Variants in CDC7 observed in about 807,000 individuals in gnomAD.
CDC7 encodes the protein cell division cycle 7-related protein kinase.
In CDC7, 34 loss-of-function variants were observed where a neutral mutation model predicts 53.5. The ratio of observed to expected loss-of-function variants is 0.64; its 90% CI spans 0.48 to 0.85. The LOEUF (loss-of-function observed/expected upper bound fraction) is 0.85, where lower values mean the gene tolerates loss of function less well. Ranked by LOEUF, CDC7 falls within the 40% of genes least tolerant of loss-of-function variation. CDC7 has a pLI of 0.00. For synonymous variants in CDC7, 211 were observed against 222.8 expected (o/e 0.95, Z 0.47); for missense variants, 594 against 679.7 (o/e 0.87, Z 1.40).
At chr1:91,518,070 AG>A (rs1667665625) in intron 10 of CDC7, among the ~76,000 whole-genome samples, 1 of 136,174 alleles carries the variant, frequency 7.3e-6, no homozygotes, top group Non-Finnish European at 1.6e-5. Context: ...CTCCAGCCTG[AG>A]CAACAGAGTG....
At chr1:91,510,696 A>G (rs1004211626) in intron 4 of CDC7, among the ~76,000 whole-genome samples, 11 of 152,082 alleles carry the variant, frequency 7.2e-5, no homozygotes, top group African/African-American at 2.4e-4. Flanking sequence ...CTGATCTTAC[A>G]ATGCAGTCAG....
chr1:91,523,903 TGTGTG>T, intron 11 of CDC7, 133 bp from the exon 12 acceptor site: 1 of 470,736 alleles, frequency 2.1e-6, no homozygotes, highest in South Asian at 2.8e-5. Flanking sequence ...ACTGTGTGTG[TGTGTG>T]TGTGTGTGTG....
intron 10 of CDC7, among the ~76,000 whole-genome samples, chr1:91,517,667 A>C (rs966484867): frequency 6.6e-6 from 1 of 152,198 alleles, no homozygotes; most frequent in Non-Finnish European, 1.5e-5. Flanking sequence ...TATAAATGAC[A>C]GTTGAAGCCA....
At chr1:91,507,959 A>C (rs776585560) in intron 3 of CDC7, 22 bp downstream of exon 3, 1 of 1,535,662 alleles carries the variant, frequency 6.5e-7, no homozygotes. Context: ...ATATGCTTTT[A>C]CTATTTTTAC....
chr1:91,501,478 G>C, intron 1 of CDC7, 176 bp from the exon 2 acceptor site: 2 of 417,094 alleles, frequency 4.8e-6, no homozygotes, highest in South Asian at 6.4e-5. Flanking sequence ...CGGTGTTTCT[G>C]ATAGGTGAAA....
chr1:91,517,931 A>T (rs1454465564), intron 10 of CDC7, among the ~76,000 whole-genome samples: 1 of 151,908 alleles, frequency 6.6e-6, no homozygotes, highest in Non-Finnish European at 1.5e-5. Context: ...TCCCGTCTCT[A>T]CTAAAAAGTA....
rs1344689586 is a variant in CDC7 at position 91,513,326 on chromosome 1, C to A, written c.822+19C>A. On this transcript the variant is annotated intron_variant, in intron 7 of 11. Transcript: ENST00000234626. ...CGGAAAGGTTCTATCTCTTTTATTT[C>A]TTAAGTACCGACACTGTTTTAGAAA... is the stretch of plus-strand genomic sequence containing the variant. 6.2e-7 allele frequency: 1 copy of A among 1,603,294 alleles called. No homozygotes were observed. Among genetic ancestry groups the A allele is most frequent in the African/African-American group, 1.3e-5 (1 of 74,472 alleles).
chr1:91,506,539 A>G (rs1179079435), intron 2 of CDC7, among the ~76,000 whole-genome samples: 2 of 152,214 alleles, frequency 1.3e-5, no homozygotes, highest in African/African-American at 2.4e-5. Flanking sequence ...GTCACCTTGT[A>G]TTAAGAATGA....
At chr1:91,518,200 G>GAA (rs777555503) in intron 10 of CDC7, among the ~76,000 whole-genome samples, 6 of 124,058 alleles carry the variant, frequency 4.8e-5, no homozygotes, top group African/African-American at 1.8e-4. Context: ...TCAACTTTAA[G>GAA]AAAAAAAAAA....
intron 11 of CDC7, 86 bp from the exon 12 acceptor site, chr1:91,523,955 T>C (rs558641183): frequency 4.0e-6 from 4 of 1,008,200 alleles, no homozygotes; most frequent in South Asian, 1.7e-5. Context: ...GTTTGAACTT[T>C]CATGTTTCTC....
intron 10 of CDC7, among the ~76,000 whole-genome samples, chr1:91,518,390 A>G (rs376422500): frequency 1.1e-4 from 17 of 152,312 alleles, no homozygotes; most frequent in African/African-American, 2.2e-4. Context: ...TGCTGGGTAT[A>G]TACCCAAAAG....
rs1414231663 is a variant in CDC7 at position 91,525,089 on chromosome 1, C to T, written c.*654C>T. 1 of 152,120 alleles carries T rather than the reference C, an allele frequency of 6.6e-6. No homozygotes were observed. Among genetic ancestry groups the T allele is most frequent in the African/African-American group, 2.4e-5 (1 of 41,410 alleles). 9.4% of individuals were successfully genotyped at this position (152,120 alleles called of 1,614,324 possible). Reference sequence around the variant, plus strand: ...CAATTTTCTTCCTTCTCTGCCCCTACCTAAAACATTCTCCTCGGAAATTAC... The same window carrying T: ...CAATTTTCTTCCTTCTCTGCCCCTATCTAAAACATTCTCCTCGGAAATTAC... On this transcript the variant is annotated 3_prime_UTR_variant, in exon 12 of 12. Transcript: ENST00000234626.
rs994496947 is a variant in CDC7, at chr1:91,513,115, T to G, written c.630T>G (p.Leu210=). Residue 210 remains leucine, a synonymous_variant, in exon 7 of 12, where the codon CTT becomes CTG. Transcript: ENST00000234626. ...AQGTHDTKIE[L]LKFVQSEAQQ... is the part of the protein sequence containing the mutation. ...GAACCCATGATACGAAAATAGAGCT[T>G]CTTAAATTTGTCCAGTCTGAAGCTC... 7 of 1,613,602 alleles carry G rather than the reference T, an allele frequency of 4.3e-6. No homozygotes were observed. Among genetic ancestry groups the G allele is most frequent in the Admixed American group, 3.3e-5 (2 of 59,942 alleles).
chr1:91,507,970 G>A (rs1286994881), intron 3 of CDC7, 33 bp downstream of exon 3: 6 of 1,521,734 alleles, frequency 3.9e-6, no homozygotes, highest in Non-Finnish European at 4.4e-6. Flanking sequence ...CTATTTTTAC[G>A]AGGTCTTTTT....
chr1:91,515,274 G>A (rs184223987), intron 9 of CDC7, among the ~76,000 whole-genome samples: 4 of 152,334 alleles, frequency 2.6e-5, no homozygotes, highest in African/African-American at 9.6e-5. Context: ...CATTTTGATT[G>A]CTGATGTAGT....
Position 91,520,116 on chromosome 1 carries a change from G to A in CDC7, c.1181-14G>A, listed in dbSNP as rs1288058934. ...GATTTGAAATTTATTTTTAAAATTT[G>A]TCTTCTGTTGCAGCAATTGACATGT... On this transcript the variant is annotated splice_polypyrimidine_tract_variant and intron_variant, in intron 10 of 11. Transcript: ENST00000234626. The A allele has an allele frequency of 1.3e-6, 2 of 1,541,804 alleles. No homozygotes were observed. The highest frequency in any genetic ancestry group is 1.7e-6 in the Non-Finnish European group (2 of 1,146,886).
At chr1:91,523,745 G>T (rs766130586) in intron 11 of CDC7, among the ~76,000 whole-genome samples, 11 of 152,094 alleles carry the variant, frequency 7.2e-5, no homozygotes, top group Non-Finnish European at 1.6e-4. Flanking sequence ...TTATAGAAGG[G>T]TAAGATGAAG....
chr1:91,522,057 C>T lies in CDC7; in HGVS notation c.1330+1778C>T, dbSNP rs550418927. Among the ~76,000 whole-genome samples, 8 of 151,912 alleles carry T rather than the reference C, an allele frequency of 5.3e-5. No homozygotes were observed. In the South Asian group the frequency reaches 6.3e-4, roughly 12 times the overall value. On this transcript the variant is annotated intron_variant, in intron 11 of 11. Transcript: ENST00000234626. ...GCATGCACTTGTAGTCCCAGCTACTCGGGAGGCTGAGGCAGGAGAACCAGC... is the reference window on the plus strand; with the variant it reads ...GCATGCACTTGTAGTCCCAGCTACTTGGGAGGCTGAGGCAGGAGAACCAGC...
rs375702482 is a variant in CDC7, at chr1:91,511,794, C to A, written c.443C>A (p.Ser148Tyr). The change falls in exon 6 of 12, where the codon TCT (serine) becomes TAT (tyrosine). Residue 148 changes from serine (S) to tyrosine (Y), a missense_variant. Transcript: ENST00000234626. ...EHESFLDILN[S>Y]LSFQEVREYM... ...ACTTTGTTTTAGGACATTCTGAATT[C>A]TCTTTCCTTTCAAGAAGTACGGGAA... is the stretch of plus-strand genomic sequence containing the variant. 1.2e-5 allele frequency: 20 copies of A among 1,600,334 alleles called. No individual in the cohort carries two copies. The South Asian group carries it at 2.0e-4, about 16-fold the overall frequency.
Sources: allele counts gnomAD v4.1 joint callset (sites outside exome capture counted in the v4.1 genomes callset), GRCh38; gene constraint gnomAD v4.1.1; transcripts MANE v1.5; gene names NCBI Gene and HGNC (gene_info 2026-07-23, HGNC 2026-07-21).